The following CREBL2 variants were observed in gnomAD, a reference collection of about 807,000 sequenced individuals.
CREBL2 encodes cAMP-responsive element-binding protein-like 2.
CREBL2 carries 4 observed loss-of-function variants against 19.5 expected under a neutral mutation model. That is an observed-to-expected ratio of 0.20 (90% CI 0.10 to 0.47). The LOEUF is 0.47. Among genes scored for constraint, CREBL2 ranks in the 20% least tolerant of loss-of-function variants. The pLI is 0.98. For synonymous variants in CREBL2, 42 were observed against 46.6 expected (o/e 0.90, Z 0.40); for missense variants, 85 against 145.1 (o/e 0.59, Z 2.13).
intron 1 of CREBL2, among the ~76,000 whole-genome samples, chr12:12,635,461 C>CTAAA (rs753475960): frequency 3.6e-4 from 55 of 151,262 alleles, no homozygotes; most frequent in South Asian, 1.0e-3. Context: ...TACTGGTGAG[C>CTAAA]TAAATAAATA....
chr12:12,641,250 ATTATTTTTTTTTATT>A (rs1945516077), intron 3 of CREBL2, among the ~76,000 whole-genome samples: 3 of 58,010 alleles, frequency 5.2e-5, no homozygotes, highest in African/African-American at 1.2e-4. Flanking sequence ...TATTATTATT[ATTATTTTTTTTTATT>A]TTTTTTTTTT....
At chr12:12,626,349 T>C (rs1008956247) in intron 1 of CREBL2, among the ~76,000 whole-genome samples, 9 of 152,354 alleles carry the variant, frequency 5.9e-5, no homozygotes, top group Admixed American at 3.9e-4. Context: ...AATTATAGAA[T>C]TATCAGCAAT....
chr12:12,621,030 A>G (rs1442452253), intron 1 of CREBL2, among the ~76,000 whole-genome samples: 1 of 152,232 alleles, frequency 6.6e-6, no homozygotes, highest in African/African-American at 2.4e-5. Flanking sequence ...AAGATGGAAT[A>G]TCCTGTTGTA....
intron 3 of CREBL2, 37 bp downstream of exon 3, chr12:12,637,751 A>G: frequency 1.9e-6 from 3 of 1,578,256 alleles, no homozygotes; most frequent in Non-Finnish European, 2.6e-6. Flanking sequence ...TATTTAAGAG[A>G]GTGTCTCGGT....
At position 12,629,657 on chromosome 12, in the gene CREBL2, A is replaced by G. The variant is rs532120383; in HGVS notation, c.16-6120A>G. Among the ~76,000 whole-genome samples, 6 of 152,278 alleles carry G rather than the reference A, an allele frequency of 3.9e-5. No individual in the cohort carries two copies. In the South Asian group the frequency reaches 1.2e-3, roughly 32 times the overall value. On this transcript the variant is annotated intron_variant, in intron 1 of 3. Transcript: ENST00000228865. ...AGTTCAGTGTTAAATAGAAGTGATG[A>G]GAGAAGACAAGATTGTTGCCTTATT...
At chr12:12,617,936 T>A (rs1480329423) in intron 1 of CREBL2, among the ~76,000 whole-genome samples, 1 of 151,906 alleles carries the variant, frequency 6.6e-6, no homozygotes, top group African/African-American at 2.4e-5. Context: ...CCTTAATCCA[T>A]TTAACCCTGA....
At chr12:12,639,910 C>T (rs930525461) in intron 3 of CREBL2, among the ~76,000 whole-genome samples, 41 of 151,980 alleles carry the variant, frequency 2.7e-4, no homozygotes, top group African/African-American at 9.9e-4. Context: ...TCACATGCTT[C>T]AAAGGGCAAA....
chr12:12,623,475 A>G (rs919008370), intron 1 of CREBL2, among the ~76,000 whole-genome samples: 1 of 152,208 alleles, frequency 6.6e-6, no homozygotes, highest in Non-Finnish European at 1.5e-5. Flanking sequence ...GCTAGAGCTG[A>G]TCTTAACAAA....
rs558504721 is a variant in CREBL2, at chr12:12,630,862, C to T, written c.16-4915C>T. Among the ~76,000 whole-genome samples the T allele has an allele frequency of 1.5e-3, 228 of 152,254 alleles. 1 individual carries two copies. The highest frequency in any genetic ancestry group is 2.9e-3 in the Non-Finnish European group (194 of 68,010). On this transcript the variant is annotated intron_variant, in intron 1 of 3. Coordinates refer to ENST00000228865, the MANE Select transcript of CREBL2 (RefSeq NM_001310.4). ...TGTAATCACAATTGCCATCTATTTT[C>T]CTCAAAGTATTTTTCTAATTTCTCT...
chr12:12,630,742 C>T (rs1264949790), intron 1 of CREBL2, among the ~76,000 whole-genome samples: 5 of 152,052 alleles, frequency 3.3e-5, no homozygotes, highest in Admixed American at 1.3e-4. Context: ...AGGTGTGTTC[C>T]GCTCCCTCTG....
rs1254875523 is a variant in CREBL2, at chr12:12,631,822, T to C, written c.16-3955T>C. 2.6e-5 allele frequency among the ~76,000 whole-genome samples: 4 copies of C among 152,202 alleles called. No homozygotes were observed. In the East Asian group the frequency reaches 7.7e-4, roughly 29 times the overall value. Reference sequence around the variant, plus strand: ...TTTTTTTAATCTCCTCAAATTCCTTTTACCAAATACTTTTTTTCTTTATAA... The same window carrying C: ...TTTTTTTAATCTCCTCAAATTCCTTCTACCAAATACTTTTTTTCTTTATAA... On this transcript the variant is annotated intron_variant, in intron 1 of 3. Coordinates refer to ENST00000228865, the MANE Select transcript of CREBL2 (RefSeq NM_001310.4).
chr12:12,621,038 G>A (rs1023487494), intron 1 of CREBL2, among the ~76,000 whole-genome samples: 1 of 152,224 alleles, frequency 6.6e-6, no homozygotes, highest in Admixed American at 6.5e-5. Context: ...ATATCCTGTT[G>A]TAAAGCATCT....
chr12:12,637,798 T>G, intron 3 of CREBL2, 84 bp downstream of exon 3: 1 of 1,404,824 alleles, frequency 7.1e-7, no homozygotes, highest in Non-Finnish European at 9.4e-7. Flanking sequence ...CCTAGCACTT[T>G]GGGAGGCCGA....
chr12:12,616,669 C>G (rs905118156), intron 1 of CREBL2, among the ~76,000 whole-genome samples: 4 of 152,324 alleles, frequency 2.6e-5, no homozygotes, highest in African/African-American at 7.2e-5. Flanking sequence ...GCTCCCAGCC[C>G]TGCGTTTTCT....
At chr12:12,628,935 T>G (rs1178457040) in intron 1 of CREBL2, among the ~76,000 whole-genome samples, 1 of 152,252 alleles carries the variant, frequency 6.6e-6, no homozygotes, top group Non-Finnish European at 1.5e-5. Flanking sequence ...ACCATAAACG[T>G]AAGGATTTAT....
At chr12:12,624,261 A>G (rs1034383750) in intron 1 of CREBL2, among the ~76,000 whole-genome samples, 1 of 152,240 alleles carries the variant, frequency 6.6e-6, no homozygotes, top group Admixed American at 6.5e-5. Context: ...ACTTTTTTAC[A>G]GGGAAGAAAA....
chr12:12,611,996 C>G lies in CREBL2; in HGVS notation c.-177C>G. 1.3e-6 allele frequency: 1 copy of G among 750,952 alleles called. No homozygotes were observed. The highest frequency in any genetic ancestry group is 2.2e-6 in the Non-Finnish European group (1 of 462,020). 46.5% of individuals were successfully genotyped at this position (750,952 alleles called of 1,614,324 possible). ...GCCTCCAGGGTCCGCTCTGCCATTC[C>G]TGAACTGGTCCCTCGTCCCCGTGAC... On this transcript the variant is annotated 5_prime_UTR_variant, in exon 1 of 4. Transcript: ENST00000228865.
intron 1 of CREBL2, among the ~76,000 whole-genome samples, chr12:12,621,655 A>G (rs896971363): frequency 6.6e-6 from 1 of 152,190 alleles, no homozygotes; most frequent in Non-Finnish European, 1.5e-5. Flanking sequence ...AAAGATAAGC[A>G]GGGACCAAAT....
At chr12:12,631,826 C>G (rs1431629513) in intron 1 of CREBL2, among the ~76,000 whole-genome samples, 3 of 151,892 alleles carry the variant, frequency 2.0e-5, no homozygotes, top group Admixed American at 1.3e-4. Flanking sequence ...TTCCTTTTAC[C>G]AAATACTTTT....
Sources: allele counts gnomAD v4.1 joint callset (sites outside exome capture counted in the v4.1 genomes callset), GRCh38; gene constraint gnomAD v4.1.1; transcripts MANE v1.5; gene names NCBI Gene and HGNC (gene_info 2026-07-23, HGNC 2026-07-21).